The following EFCAB8 variants were observed in gnomAD, a reference collection of about 807,000 sequenced individuals.
EFCAB8 encodes the protein EF-hand calcium binding domain 8.
A neutral mutation model predicts 116.3 loss-of-function variants in EFCAB8; 100 were observed. The observed-to-expected ratio is 0.86, with a 90% CI of 0.73 to 1.02. The LOEUF (loss-of-function observed/expected upper bound fraction) is 1.02. EFCAB8 is among the 50% of genes least tolerant of loss of function. The pLI is 0.00. For missense variants in EFCAB8, 1,320 were observed against 1,416.9 expected, an observed-to-expected ratio of 0.93 and a Z score of 1.10; for synonymous variants, 558 against 567.9, an observed-to-expected ratio of 0.98 and a Z score of 0.25.
chr20:32,879,920 T>C (rs542059152), intron 5 of EFCAB8, among the ~76,000 whole-genome samples: 30 of 152,160 alleles, frequency 2.0e-4, no homozygotes, highest in Non-Finnish European at 3.4e-4. Flanking sequence ...CAGGGGTTGA[T>C]CTGCCTCGCT....
intron 13 of EFCAB8, among the ~76,000 whole-genome samples, chr20:32,907,286 A>T (rs1461758841): frequency 1.3e-5 from 2 of 152,246 alleles, no homozygotes; most frequent in African/African-American, 2.4e-5. Context: ...AGTGGTTTAG[A>T]GAACCAGCAG....
At position 32,918,590 on chromosome 20, in the gene EFCAB8, C is replaced by T; in HGVS notation, c.2274+16C>T. ...GCCCCAGCAGGTGGGAGCGAGAGCC[C>T]AACCAGAAGGCTACCCTCACTCTCT... On this transcript the variant is annotated intron_variant, in intron 19 of 26. Coordinates refer to ENST00000400522, the MANE Select transcript of EFCAB8 (RefSeq NM_001143967.2). 6.5e-7 allele frequency: 1 copy of T among 1,550,328 alleles called. No homozygotes were observed. The highest frequency in any genetic ancestry group is 2.4e-5 in the East Asian group (1 of 40,904).
intron 20 of EFCAB8, among the ~76,000 whole-genome samples, chr20:32,921,361 T>TTGTGTGTGTGTG (rs71858676): frequency 0.037 from 4,842 of 129,160 alleles, 111 homozygotes; most frequent in Non-Finnish European, 0.054. Flanking sequence ...CCCAGCTATT[T>TTGTGTGTGTGTG]TGTGTGTGTG....
At chr20:32,940,921 A>T (rs1281581906) in intron 22 of EFCAB8, among the ~76,000 whole-genome samples, 1 of 149,844 alleles carries the variant, frequency 6.7e-6, no homozygotes. Flanking sequence ...GTTGGCTGGG[A>T]TGTGGACAAA....
chr20:32,943,325 A>G (rs1306667592), intron 22 of EFCAB8, among the ~76,000 whole-genome samples: 1 of 152,260 alleles, frequency 6.6e-6, no homozygotes, highest in East Asian at 1.9e-4. Context: ...ATGTGTACAG[A>G]GGCACTTGGT....
chr20:32,864,515 G>A (rs1178096275), intron 2 of EFCAB8, among the ~76,000 whole-genome samples: 1 of 152,114 alleles, frequency 6.6e-6, no homozygotes, highest in Non-Finnish European at 1.5e-5. Flanking sequence ...CTGGGATGTC[G>A]AGGCTACAGT....
chr20:32,916,815 T>C (rs1987210552), intron 17 of EFCAB8, among the ~76,000 whole-genome samples: 2 of 151,960 alleles, frequency 1.3e-5, no homozygotes, highest in African/African-American at 4.8e-5. Context: ...GTTGAATGGG[T>C]GGAAACCTGA....
chr20:32,885,767 C>T, intron 6 of EFCAB8, 127 bp downstream of exon 6: 1 of 1,228,978 alleles, frequency 8.1e-7, no homozygotes, highest in Admixed American at 2.6e-5. Context: ...CTTGCAGTCA[C>T]AGCACCTGGG....
chr20:32,929,404 G>A (rs1165338590), intron 20 of EFCAB8, among the ~76,000 whole-genome samples: 1 of 151,350 alleles, frequency 6.6e-6, no homozygotes, highest in Non-Finnish European at 1.5e-5. Context: ...ACAACAATAA[G>A]GATAATTGAG....
chr20:32,890,383 G>A (rs1386303259), intron 7 of EFCAB8, among the ~76,000 whole-genome samples: 1 of 152,202 alleles, frequency 6.6e-6, no homozygotes, highest in Non-Finnish European at 1.5e-5. Context: ...AAGATCCTCT[G>A]TTAAAAAGAC....
chr20:32,951,005 C>T (rs1988780957), intron 23 of EFCAB8, among the ~76,000 whole-genome samples: 2 of 152,106 alleles, frequency 1.3e-5, no homozygotes. Flanking sequence ...AATATTTATT[C>T]ATTAGAAGAG....
At chr20:32,864,581 TA>T (rs1273303533) in intron 2 of EFCAB8, among the ~76,000 whole-genome samples, 1 of 151,874 alleles carries the variant, frequency 6.6e-6, no homozygotes, top group African/African-American at 2.4e-5. Context: ...ACCCTGTCTC[TA>T]AAAAAACAAA....
At chr20:32,955,668 G>T (rs1053360469) in intron 23 of EFCAB8, among the ~76,000 whole-genome samples, 1 of 152,172 alleles carries the variant, frequency 6.6e-6, no homozygotes, top group African/African-American at 2.4e-5. Context: ...TGAGAAGGGG[G>T]CTGGGAGCCT....
chr20:32,929,657 T>C (rs144092733), intron 20 of EFCAB8, among the ~76,000 whole-genome samples: 1 of 152,156 alleles, frequency 6.6e-6, no homozygotes, highest in East Asian at 1.9e-4. Context: ...ATCGAGATTT[T>C]TGTTGTTGGT....
chr20:32,871,619 G>A (rs1459305584), intron 3 of EFCAB8, among the ~76,000 whole-genome samples: 1 of 152,086 alleles, frequency 6.6e-6, no homozygotes, highest in East Asian at 1.9e-4. Context: ...GGCTTTAAAT[G>A]GGAGAAAAGA....
intron 13 of EFCAB8, 101 bp downstream of exon 13, chr20:32,907,095 A>G (rs1003783836): frequency 2.1e-6 from 3 of 1,433,062 alleles, no homozygotes; most frequent in Non-Finnish European, 1.8e-6. Context: ...CATCTGGCCA[A>G]AGGCCTAGCA....
chr20:32,954,509 C>T lies in EFCAB8; in HGVS notation c.2960-3912C>T, dbSNP rs569593059. Among the ~76,000 whole-genome samples the T allele has an allele frequency of 2.0e-5, 3 of 152,224 alleles. No individual in the cohort carries two copies. In the East Asian group the frequency reaches 5.8e-4, roughly 29 times the overall value. On this transcript the variant is annotated intron_variant, in intron 23 of 26. Coordinates refer to ENST00000400522, the MANE Select transcript of EFCAB8 (RefSeq NM_001143967.2). Reference sequence around the variant, plus strand: ...TATATGTCTGTTTTTATGCCTGTACCACACTGTCTTGATTCCTGTAGCTTT... The same window carrying T: ...TATATGTCTGTTTTTATGCCTGTACTACACTGTCTTGATTCCTGTAGCTTT...
At chr20:32,945,648 A>AT (rs1044083174) in intron 23 of EFCAB8, among the ~76,000 whole-genome samples, 32 of 151,572 alleles carry the variant, frequency 2.1e-4, no homozygotes, top group South Asian at 1.7e-3. Flanking sequence ...ATGCTTTCCT[A>AT]TTTTTTTTGT....
chr20:32,908,171 C>T (rs17370942), intron 13 of EFCAB8, 104 bp from the exon 14 acceptor site: 409,365 of 1,099,524 alleles, frequency 0.37, 82,942 homozygotes, highest in Middle Eastern at 0.43. Flanking sequence ...CTTGGACGGA[C>T]GATGTGCCCT....
Sources: gnomAD v4.1 joint callset for allele counts (sites outside exome capture counted in the v4.1 genomes callset) on GRCh38, gnomAD v4.1.1 for gene constraint, MANE v1.5 for transcripts, NCBI Gene and HGNC (gene_info 2026-07-23, HGNC 2026-07-21) for gene names.